Variants in KIRREL3 observed in about 807,000 individuals in gnomAD.
The protein encoded by KIRREL3 is kin of IRRE-like protein 3.
A neutral mutation model predicts 89.7 loss-of-function variants in KIRREL3; 36 were observed. The observed-to-expected ratio is 0.40, with a 90% CI of 0.31 to 0.53. The LOEUF is 0.53. Ranked by LOEUF, KIRREL3 falls within the 20% of genes least tolerant of loss-of-function variation. The pLI, the probability that KIRREL3 is intolerant of heterozygous loss-of-function variation, is 0.49. For missense variants in KIRREL3, 864 were observed against 1,056.6 expected (o/e 0.82, Z 2.53); for synonymous variants, 445 against 441.4 (o/e 1.01, Z -0.10).
rs985445140 is a variant in KIRREL3 at position 126,427,999 on chromosome 11, G to T, written c.1806+1180C>A. Among the ~76,000 whole-genome samples the T allele has an allele frequency of 1.6e-4, 25 of 152,238 alleles. No individual in the cohort carries two copies. The highest frequency in any genetic ancestry group is 5.8e-4 in the African/African-American group (24 of 41,458). The stretch of plus-strand genomic sequence containing the variant: ...GCGTAGCCGAGGGAAAAGTCAGTTT[G>T]ATTCAGTAAACGTCTGTGAGCCTCT... On this transcript the variant is annotated intron_variant, in intron 15 of 16. Coordinates refer to ENST00000525144, the MANE Select transcript of KIRREL3 (RefSeq NM_032531.4). This position sits in a 1 kb window ranked among gnomAD's most constrained non-coding sequence, Gnocchi z 5.3.
rs544258027 is a variant in KIRREL3, at chr11:126,522,657, T to A, written c.284-1193A>T. On this transcript the variant is annotated intron_variant, in intron 3 of 16. Coordinates refer to ENST00000525144, the MANE Select transcript of KIRREL3 (RefSeq NM_032531.4). The surrounding 1 kb of genome is among the most constrained non-coding windows in gnomAD (Gnocchi z 6.0). ...GTTGTGGCTGGCCACCTTAGGCAGA[T>A]CCTCTCTTTCCTGGGTCTCGGGCCC... is the stretch of plus-strand genomic sequence containing the variant. Among the ~76,000 whole-genome samples the A allele has an allele frequency of 6.6e-6, 1 of 152,336 alleles. No homozygotes were observed. Among genetic ancestry groups the A allele is most frequent in the South Asian group, 2.1e-4 (1 of 4,818 alleles).
chr11:126,841,193 G>A (rs7129447), intron 1 of KIRREL3, among the ~76,000 whole-genome samples: 128,808 of 152,198 alleles, frequency 0.85, 54,692 homozygotes, highest in East Asian at 1. Context: ...GCAGATAAAG[G>A]GGTCTACTGT....
At chr11:126,617,772 C>T (rs538776573) in intron 1 of KIRREL3, among the ~76,000 whole-genome samples, 1 of 152,338 alleles carries the variant, frequency 6.6e-6, no homozygotes, top group African/African-American at 2.4e-5. Flanking sequence ...CAGAGGTTAA[C>T]TGACTTGCTC....
intron 7 of KIRREL3, among the ~76,000 whole-genome samples, chr11:126,452,371 T>C (rs867782897): frequency 5.3e-5 from 8 of 152,218 alleles, no homozygotes; most frequent in Middle Eastern, 3.4e-3. Context: ...GCTAGGGAAG[T>C]GTGTCCAGCC....
intron 1 of KIRREL3, among the ~76,000 whole-genome samples, chr11:126,825,409 G>GTT (rs1943372108): frequency 6.6e-6 from 1 of 152,200 alleles, no homozygotes; most frequent in South Asian, 2.1e-4. Flanking sequence ...AAACAAATTT[G>GTT]TGGTATGGTA....
rs1943276785 is a variant in KIRREL3 at position 126,614,832 on chromosome 11, A to G, written c.56-51920T>C. 6.6e-6 allele frequency among the ~76,000 whole-genome samples: 1 copy of G among 152,184 alleles called. No homozygotes were observed. The highest frequency in any genetic ancestry group is 1.5e-5 in the Non-Finnish European group (1 of 68,042). On this transcript the variant is annotated intron_variant, in intron 1 of 16. Transcript: ENST00000525144. This position sits in a 1 kb window ranked among gnomAD's most constrained non-coding sequence, Gnocchi z 4.6. ...CTTAGTATCAGGTCTGGGTTGGGGC[A>G]GGTAAATCTTCCTTTCTTTGTGGGC...
At position 126,551,411 on chromosome 11, in the gene KIRREL3, T is replaced by C. The variant is rs887586519; in HGVS notation, c.133+11424A>G. 6.6e-6 allele frequency among the ~76,000 whole-genome samples: 1 copy of C among 152,012 alleles called. No individual in the cohort carries two copies. Among genetic ancestry groups the C allele is most frequent in the Admixed American group, 6.5e-5 (1 of 15,278 alleles). ...CCTGAGGCCTAACACACCCAACATA[T>C]GGCAAAAGACTGTAGCAAGGGCTAT... On this transcript the variant is annotated intron_variant, in intron 2 of 16. Coordinates refer to ENST00000525144, the MANE Select transcript of KIRREL3 (RefSeq NM_032531.4). This position sits in a 1 kb window ranked among gnomAD's most constrained non-coding sequence, Gnocchi z 4.9.
chr11:126,604,402 G>A (rs999314886), intron 1 of KIRREL3, among the ~76,000 whole-genome samples: 4 of 152,192 alleles, frequency 2.6e-5, no homozygotes, highest in Non-Finnish European at 5.9e-5. Flanking sequence ...AGTAAGAGCT[G>A]CCATTTGTTG....
intron 1 of KIRREL3, among the ~76,000 whole-genome samples, chr11:126,790,595 AT>A (rs906057231): frequency 2.0e-5 from 3 of 152,166 alleles, no homozygotes; most frequent in East Asian, 1.9e-4. Context: ...GTGATCCATT[AT>A]TTTTTTTCCT....
Position 126,424,011 on chromosome 11 carries a change from G to C in KIRREL3, c.*569C>G, listed in dbSNP as rs1954829226. On this transcript the variant is annotated 3_prime_UTR_variant, in exon 17 of 17. Coordinates refer to ENST00000525144, the MANE Select transcript of KIRREL3 (RefSeq NM_032531.4). ...TTGGGGGTGGGCTCCCGGCCAGCCTGGTGAGAGAGAGGCTCCTTTAGCCAA... is the reference window on the plus strand; with the variant it reads ...TTGGGGGTGGGCTCCCGGCCAGCCTCGTGAGAGAGAGGCTCCTTTAGCCAA... The C allele has an allele frequency of 6.3e-6, 1 of 158,678 alleles. No homozygotes were observed. Among genetic ancestry groups the C allele is most frequent in the African/African-American group, 2.4e-5 (1 of 41,522 alleles). 9.8% of individuals were successfully genotyped at this position (158,678 alleles called of 1,614,324 possible).
intron 4 of KIRREL3, among the ~76,000 whole-genome samples, chr11:126,509,245 C>A (rs565252672): frequency 6.6e-6 from 1 of 152,218 alleles, no homozygotes; most frequent in Non-Finnish European, 1.5e-5. Context: ...CCCTCACTCA[C>A]AAGCCCTGTT....
At position 126,756,276 on chromosome 11, in the gene KIRREL3, G is replaced by A. The variant is rs562458712; in HGVS notation, c.56-193364C>T. 1.6e-4 allele frequency among the ~76,000 whole-genome samples: 25 copies of A among 152,372 alleles called. No homozygotes were observed. In the South Asian group the frequency reaches 5.0e-3, roughly 30 times the overall value. On this transcript the variant is annotated intron_variant, in intron 1 of 16. Transcript: ENST00000525144. Reference sequence around the variant, plus strand: ...CCCAACACTGCCGTGAGAATTGTATGTGCTGAGATGTTGTTCTTCTCACCC... The same window carrying A: ...CCCAACACTGCCGTGAGAATTGTATATGCTGAGATGTTGTTCTTCTCACCC...
intron 4 of KIRREL3, among the ~76,000 whole-genome samples, chr11:126,494,240 T>C (rs1892999): frequency 0.56 from 85,616 of 152,014 alleles, 24,955 homozygotes; most frequent in East Asian, 0.87. Flanking sequence ...GGTGAGTTAT[T>C]TTCCATTACA....
intron 10 of KIRREL3, among the ~76,000 whole-genome samples, chr11:126,442,635 A>G (rs926638897): frequency 2.2e-4 from 33 of 152,152 alleles, no homozygotes; most frequent in Admixed American, 1.9e-3. Flanking sequence ...ATCTCATTTG[A>G]ATGCTTTCAT....
chr11:126,493,538 C>T (rs1957577676), intron 4 of KIRREL3, among the ~76,000 whole-genome samples: 2 of 151,128 alleles, frequency 1.3e-5, no homozygotes, highest in Admixed American at 6.6e-5. Flanking sequence ...GCCTGTAGTC[C>T]CAGCTACTTG....
At chr11:126,649,862 C>T (rs1390149455) in intron 1 of KIRREL3, among the ~76,000 whole-genome samples, 2 of 152,248 alleles carry the variant, frequency 1.3e-5, no homozygotes, top group African/African-American at 4.8e-5. Context: ...CCACATTTCC[C>T]TTCTGCACTG....
intron 1 of KIRREL3, among the ~76,000 whole-genome samples, chr11:126,637,413 C>T (rs931914701): frequency 1.3e-5 from 2 of 152,220 alleles, no homozygotes; most frequent in African/African-American, 2.4e-5. Flanking sequence ...CCACTGCAGA[C>T]GTTGTGCTTC....
Position 126,754,343 on chromosome 11 carries a change from A to G in KIRREL3, c.56-191431T>C, listed in dbSNP as rs1340544232. Among the ~76,000 whole-genome samples the G allele has an allele frequency of 6.6e-6, 1 of 152,222 alleles. No individual in the cohort carries two copies. Among genetic ancestry groups the G allele is most frequent in the East Asian group, 1.9e-4 (1 of 5,190 alleles). On this transcript the variant is annotated intron_variant, in intron 1 of 16. Coordinates refer to ENST00000525144, the MANE Select transcript of KIRREL3 (RefSeq NM_032531.4). This position sits in a 1 kb window ranked among gnomAD's most constrained non-coding sequence, Gnocchi z 5.1. The stretch of plus-strand genomic sequence containing the variant: ...TGGAAAATAAAGATGTTCACTGCTG[A>G]AACAGCATTCCTCAGAACGTACCTC...
rs1948828950 is a variant in KIRREL3 at position 126,953,509 on chromosome 11, C to T, written c.55+46946G>A. Among the ~76,000 whole-genome samples the T allele has an allele frequency of 6.6e-6, 1 of 151,940 alleles. No individual in the cohort carries two copies. The highest frequency in any genetic ancestry group is 1.5e-5 in the Non-Finnish European group (1 of 68,002). Reference sequence around the variant, plus strand: ...AAAAAAGAATAACTAGAGTTTTGTTCATCTTTTCATAATAAACGTGCTGAT... The same window carrying T: ...AAAAAAGAATAACTAGAGTTTTGTTTATCTTTTCATAATAAACGTGCTGAT... On this transcript the variant is annotated intron_variant, in intron 1 of 16. Transcript: ENST00000525144. The surrounding 1 kb of genome is among the most constrained non-coding windows in gnomAD (Gnocchi z 5.2).
Sources: allele counts gnomAD v4.1 joint callset (sites outside exome capture counted in the v4.1 genomes callset), GRCh38; gene constraint gnomAD v4.1.1; non-coding constraint Gnocchi (gnomAD v3.1); transcripts MANE v1.5; gene names NCBI Gene and HGNC (gene_info 2026-07-23, HGNC 2026-07-21).